The following PLA2G2D variants were observed in gnomAD, a reference collection of about 807,000 sequenced individuals.
PLA2G2D encodes phospholipase A2 group IID.
In PLA2G2D, 17 loss-of-function variants were observed where a neutral mutation model predicts 13.9. The ratio of observed to expected loss-of-function variants is 1.23; its 90% CI spans 0.84 to 1.84. The LOEUF is 1.84. Ranked by LOEUF, PLA2G2D falls within the 40% of genes most tolerant of loss-of-function variation. PLA2G2D has a pLI of 0.00. For missense variants in PLA2G2D, 194 were observed against 178.7 expected, an observed-to-expected ratio of 1.09 and a Z score of -0.49; for synonymous variants, 83 against 69.3, an observed-to-expected ratio of 1.20 and a Z score of -0.98.
chr1:20,115,939 C>T (rs1364823486), intron 2 of PLA2G2D, among the ~76,000 whole-genome samples: 3 of 152,118 alleles, frequency 2.0e-5, no homozygotes, highest in African/African-American at 7.2e-5. Flanking sequence ...AGTGGCAGAT[C>T]GTGGCAGTGT....
chr1:20,115,419 A>G, intron 3 of PLA2G2D, 88 bp downstream of exon 3: 58 of 778,018 alleles, frequency 7.5e-5, no homozygotes, highest in South Asian at 2.4e-4. Flanking sequence ...AAAAACAGAG[A>G]GGTCAAGTAG....
chr1:20,116,999 GTCT>G lies in PLA2G2D; in HGVS notation c.41-525_41-523del, dbSNP rs540064568. 8.6e-5 allele frequency among the ~76,000 whole-genome samples: 13 copies of G among 152,036 alleles called. No individual in the cohort carries two copies. In the South Asian group the frequency reaches 2.5e-3, roughly 29 times the overall value. On this transcript the variant is annotated intron_variant, in intron 1 of 3. Coordinates refer to ENST00000375105, the MANE Select transcript of PLA2G2D (RefSeq NM_012400.4). Reference sequence around the variant, plus strand: ...GACAATTACTGAGTGCTTACTATAGGTCTTCTTTTGTATTGATTTCTCGACTCC... The same window carrying G: ...GACAATTACTGAGTGCTTACTATAGGTCTTTTGTATTGATTTCTCGACTCC...
chr1:20,117,884 G>A (rs1557768382), intron 1 of PLA2G2D, among the ~76,000 whole-genome samples: 1 of 152,304 alleles, frequency 6.6e-6, no homozygotes, highest in East Asian at 1.9e-4. Context: ...GACAAAGAGT[G>A]AGACCACACA....
Position 20,116,488 on chromosome 1 carries a change from G to C in PLA2G2D, c.41-11C>G, listed in dbSNP as rs1383755143. 6 of 1,613,956 alleles carry C rather than the reference G, an allele frequency of 3.7e-6. No individual in the cohort carries two copies. The Admixed American group carries it at 1.0e-4, about 27-fold the overall frequency. ...GGATTGGAATCACACCTGCCAAGCA[G>C]CCCAGCAACCAGGAGAGAAGAGGAG... On this transcript the variant is annotated splice_polypyrimidine_tract_variant and intron_variant, in intron 1 of 3. Transcript: ENST00000375105.
At position 20,115,562 on chromosome 1, in the gene PLA2G2D, G is replaced by C. The variant is rs753932745; in HGVS notation, c.237C>G (p.Cys79Trp). 6.2e-7 allele frequency: 1 copy of C among 1,612,492 alleles called. No homozygotes were observed. Among genetic ancestry groups the C allele is most frequent in the East Asian group, 2.2e-5 (1 of 44,862 alleles). Residue 79 changes from cysteine to tryptophan, a missense_variant, in exon 3 of 4, where the codon TGC becomes TGG. Coordinates refer to ENST00000375105, the MANE Select transcript of PLA2G2D (RefSeq NM_012400.4). ...ATCTGTAATAGTCCTTGTAGATGCT[G>C]CACCCCTGGGTCTTCAGGTGGTCAT... ...CCYDHLKTQGCSIYKDYYRYN... is the reference protein window; with the variant it reads ...CCYDHLKTQGWSIYKDYYRYN...
chr1:20,116,024 G>GA (rs1309770527), intron 2 of PLA2G2D, among the ~76,000 whole-genome samples: 3 of 151,864 alleles, frequency 2.0e-5, no homozygotes, highest in Non-Finnish European at 2.9e-5. Context: ...TGAGATAACA[G>GA]AAAAAAAGAG....
intron 1 of PLA2G2D, among the ~76,000 whole-genome samples, chr1:20,117,867 T>G (rs939978818): frequency 6.6e-6 from 1 of 152,140 alleles, no homozygotes. Context: ...GAGAAACTCA[T>G]GCAGTGGACA....
intron 1 of PLA2G2D, among the ~76,000 whole-genome samples, 158 bp from the exon 2 acceptor site, chr1:20,116,635 C>T (rs770206469): frequency 1.1e-4 from 16 of 151,994 alleles, no homozygotes; most frequent in Non-Finnish European, 1.8e-4. Flanking sequence ...AAAAATATAG[C>T]GACAGGCCAG....
In PLA2G2D at chr1:20,113,857, T is replaced by C; in HGVS notation, c.*257A>G. On this transcript the variant is annotated 3_prime_UTR_variant, in exon 4 of 4. Transcript: ENST00000375105. ...CCCCTCCCCCACCCCGATGCTTTGG[T>C]CCAAACACCACCTCTGAGGGCTCCC... The C allele has an allele frequency of 2.5e-6, 1 of 405,014 alleles. No individual in the cohort carries two copies. Among genetic ancestry groups the C allele is most frequent in the Non-Finnish European group, 4.4e-6 (1 of 225,790 alleles). 25.1% of individuals were successfully genotyped at this position (405,014 alleles called of 1,614,324 possible).
At chr1:20,118,909 G>A (rs1221395846) in intron 1 of PLA2G2D, among the ~76,000 whole-genome samples, 3 of 152,134 alleles carry the variant, frequency 2.0e-5, no homozygotes, top group Admixed American at 6.6e-5. Context: ...ATTTTAAAAT[G>A]CAAGTCTTTT....
chr1:20,112,120 C>T lies in PLA2G2D; in HGVS notation c.*1994G>A, dbSNP rs977111652. On this transcript the variant is annotated 3_prime_UTR_variant, in exon 4 of 4. Coordinates refer to ENST00000375105, the MANE Select transcript of PLA2G2D (RefSeq NM_012400.4). ...TAGCTGGGATTACAGGCACCCACCA[C>T]GATGCCTGGCTAATTTTTGTATTTT... 3 of 151,912 alleles carry T rather than the reference C, an allele frequency of 2.0e-5. No homozygotes were observed. The highest frequency in any genetic ancestry group is 2.1e-4 in the South Asian group (1 of 4,810). The allele number at this position is 151,912 out of a possible 1,614,324, so 9.4% of individuals were successfully genotyped here.
At chr1:20,117,853 T>C (rs2017021017) in intron 1 of PLA2G2D, among the ~76,000 whole-genome samples, 1 of 151,958 alleles carries the variant, frequency 6.6e-6, no homozygotes, top group Admixed American at 6.6e-5. Context: ...GGAAGGGTGG[T>C]TGGGAGAAAC....
intron 1 of PLA2G2D, 92 bp from the exon 2 acceptor site, chr1:20,116,569 C>A: frequency 9.0e-7 from 1 of 1,114,460 alleles, no homozygotes; most frequent in Non-Finnish European, 1.4e-6. Flanking sequence ...TCTGCCCAGA[C>A]CAAATGAGTG....
At chr1:20,118,914 T>C (rs968043172) in intron 1 of PLA2G2D, among the ~76,000 whole-genome samples, 9 of 152,164 alleles carry the variant, frequency 5.9e-5, no homozygotes, top group African/African-American at 2.2e-4. Context: ...AAAATGCAAG[T>C]CTTTTCCAAA....
At chr1:20,119,228 C>G (rs1216837405) in intron 1 of PLA2G2D, among the ~76,000 whole-genome samples, 1 of 152,228 alleles carries the variant, frequency 6.6e-6, no homozygotes, top group Non-Finnish European at 1.5e-5. Flanking sequence ...ACTTTCACAG[C>G]AGTCCAGAGA....
intron 2 of PLA2G2D, among the ~76,000 whole-genome samples, 183 bp downstream of exon 2, chr1:20,116,150 G>A (rs1262133744): frequency 6.6e-6 from 1 of 152,166 alleles, no homozygotes; most frequent in African/African-American, 2.4e-5. Flanking sequence ...GGACCCTGGG[G>A]AACCTTCTGG....
chr1:20,116,086 G>T (rs928927113), intron 2 of PLA2G2D, among the ~76,000 whole-genome samples: 10 of 152,114 alleles, frequency 6.6e-5, no homozygotes, highest in Non-Finnish European at 1.3e-4. Flanking sequence ...GAGTGAATGT[G>T]GGCATTGTCA....
rs1268446543 is a variant in PLA2G2D at position 20,113,456 on chromosome 1, G to A, written c.*658C>T. 6.6e-6 allele frequency: 1 copy of A among 152,266 alleles called. No individual in the cohort carries two copies. Among genetic ancestry groups the A allele is most frequent in the Non-Finnish European group, 1.5e-5 (1 of 68,098 alleles). 9.4% of individuals were successfully genotyped at this position (152,266 alleles called of 1,614,324 possible). ...GCAGGAGAAAGTACTCAAGGCTCTG[G>A]TGCCTGGAGCCACAAGACCTGGCGG... On this transcript the variant is annotated 3_prime_UTR_variant, in exon 4 of 4. Coordinates refer to ENST00000375105, the MANE Select transcript of PLA2G2D (RefSeq NM_012400.4).
intron 3 of PLA2G2D, 104 bp downstream of exon 3, chr1:20,115,403 C>CA (rs796340358): frequency 0.018 from 10,833 of 591,046 alleles, 7 homozygotes; most frequent in Non-Finnish European, 0.02. Context: ...TGGACCCATG[C>CA]AAAAAAAAAA....
Sources: allele counts gnomAD v4.1 joint callset (sites outside exome capture counted in the v4.1 genomes callset), GRCh38; gene constraint gnomAD v4.1.1; transcripts MANE v1.5; gene names NCBI Gene and HGNC (gene_info 2026-07-23, HGNC 2026-07-21).